The following NME7 variants were observed in gnomAD, a reference collection of about 807,000 sequenced individuals.
NME7 encodes nucleoside diphosphate kinase 7.
A neutral mutation model predicts 49.1 loss-of-function variants in NME7; 41 were observed. The ratio of observed to expected loss-of-function variants is 0.83; its 90% CI spans 0.65 to 1.08. NME7 has a LOEUF of 1.08. Among genes scored for constraint, NME7 ranks in the 50% least tolerant of loss-of-function variants. The pLI is 0.00. For missense variants in NME7, 423 were observed against 463.4 expected (o/e 0.91, Z 0.80); for synonymous variants, 139 against 150.6 (o/e 0.92, Z 0.56).
chr1:169,318,400 A>G (rs1651732234), intron 3 of NME7, among the ~76,000 whole-genome samples: 5 of 152,206 alleles, frequency 3.3e-5, no homozygotes, highest in Admixed American at 2.0e-4. Flanking sequence ...TAAAAGATAA[A>G]AAAGAGAAGA....
chr1:169,191,180 G>A (rs1050210662), intron 10 of NME7, among the ~76,000 whole-genome samples: 5 of 152,162 alleles, frequency 3.3e-5, no homozygotes, highest in African/African-American at 7.2e-5. Context: ...TTCAGTGTTG[G>A]CAATCAAGGT....
intron 7 of NME7, among the ~76,000 whole-genome samples, chr1:169,254,776 T>C (rs1470113480): frequency 2.1e-5 from 3 of 140,844 alleles, no homozygotes; most frequent in African/African-American, 5.0e-5. Flanking sequence ...TTTGTTCTCG[T>C]TGGTTTCAAA....
intron 1 of NME7, among the ~76,000 whole-genome samples, chr1:169,329,950 A>G (rs1214864776): frequency 6.6e-6 from 1 of 152,204 alleles, no homozygotes; most frequent in Non-Finnish European, 1.5e-5. Context: ...CAGCAAGAGT[A>G]AAGAAGCAAA....
intron 10 of NME7, among the ~76,000 whole-genome samples, chr1:169,200,169 C>A (rs1660506021): frequency 6.6e-6 from 1 of 151,906 alleles, no homozygotes; most frequent in African/African-American, 2.4e-5. Context: ...AATAAGAATT[C>A]TTATTTTATA....
At chr1:169,273,977 T>C (rs1475844651) in intron 7 of NME7, among the ~76,000 whole-genome samples, 1 of 132,324 alleles carries the variant, frequency 7.6e-6, no homozygotes, top group Admixed American at 7.5e-5. Context: ...GTATATATTA[T>C]ACCAGTAATG....
chr1:169,257,256 T>C (rs1392110609), intron 7 of NME7, among the ~76,000 whole-genome samples: 1 of 134,540 alleles, frequency 7.4e-6, no homozygotes, highest in African/African-American at 2.5e-5. Flanking sequence ...GTGCGGGATA[T>C]AATCTCGTGG....
chr1:169,175,125 GT>G (rs1452825111), intron 10 of NME7, among the ~76,000 whole-genome samples: 1 of 151,484 alleles, frequency 6.6e-6, no homozygotes, highest in Non-Finnish European at 1.5e-5. Context: ...TATTTTTTAA[GT>G]TTTTTTTCTT....
intron 11 of NME7, among the ~76,000 whole-genome samples, chr1:169,144,007 A>G (rs1012998275): frequency 2.0e-5 from 3 of 152,200 alleles, no homozygotes; most frequent in Non-Finnish European, 4.4e-5. Flanking sequence ...AACCCTATGA[A>G]TAAATTTCAA....
intron 11 of NME7, among the ~76,000 whole-genome samples, chr1:169,166,588 C>G (rs1659419239): frequency 6.6e-6 from 1 of 152,154 alleles, no homozygotes; most frequent in African/African-American, 2.4e-5. Flanking sequence ...TATGACATTT[C>G]CATATAATTT....
At position 169,355,311 on chromosome 1, in the gene NME7, T is replaced by TTGTATATTATATATAATATAC. The variant is rs71121772; in HGVS notation, c.3+12396_3+12397insGTATATTATATATAATATACA. On this transcript the variant is annotated intron_variant, in intron 1 of 11. Transcript: ENST00000367811. ...TATATTGTATATTATATATAATATA[T>TTGTATATTATATATAATATAC]TGTATATTATATATAATATATTGTA... Among the ~76,000 whole-genome samples, 81 of 63,986 alleles carry TTGTATATTATATATAATATAC rather than the reference T, an allele frequency of 1.3e-3. 20 individuals carry two copies. Among genetic ancestry groups the TTGTATATTATATATAATATAC allele is most frequent in the Non-Finnish European group, 2.7e-3 (70 of 26,148 alleles). The allele number at this position is 63,986 out of a possible 152,430, so 42.0% of individuals were successfully genotyped here.
chr1:169,221,602 TACAA>T (rs1275545843), intron 10 of NME7, among the ~76,000 whole-genome samples: 2 of 152,060 alleles, frequency 1.3e-5, no homozygotes. Flanking sequence ...TTTATATGCA[TACAA>T]ATATATGGAA....
Position 169,267,499 on chromosome 1 carries a change from T to C in NME7, c.754+19804A>G, listed in dbSNP as rs181086400. 2.1e-4 allele frequency among the ~76,000 whole-genome samples: 28 copies of C among 132,784 alleles called. 8 individuals are homozygous for C. Among genetic ancestry groups the C allele is most frequent in the Admixed American group, 3.7e-4 (5 of 13,460 alleles). The allele number at this position is 132,784 out of a possible 152,430, so 87.1% of individuals were successfully genotyped here. ...AAAAAGATCAAAGCTGGAGGAATCA[T>C]ATTGTCCAACTTCACACTGTAGTAC... On this transcript the variant is annotated intron_variant, in intron 7 of 11. Transcript: ENST00000367811.
intron 10 of NME7, among the ~76,000 whole-genome samples, chr1:169,198,363 A>C (rs1360796932): frequency 6.6e-6 from 1 of 152,120 alleles, no homozygotes; most frequent in Non-Finnish European, 1.5e-5. Context: ...TTAAGAATAT[A>C]CTCAAGATAA....
At chr1:169,182,456 ATCCTAAGAC>A (rs1234669464) in intron 10 of NME7, among the ~76,000 whole-genome samples, 3 of 152,186 alleles carry the variant, frequency 2.0e-5, no homozygotes, top group African/African-American at 7.2e-5. Flanking sequence ...CTTGGGAGTC[ATCCTAAGAC>A]TCCTCTCTCT....
At chr1:169,321,688 C>T (rs948809422) in intron 3 of NME7, among the ~76,000 whole-genome samples, 2 of 152,140 alleles carry the variant, frequency 1.3e-5, no homozygotes, top group Non-Finnish European at 2.9e-5. Context: ...CACTAAGAAT[C>T]CAATCACCTC....
intron 1 of NME7, among the ~76,000 whole-genome samples, chr1:169,333,357 C>T (rs1265498932): frequency 6.6e-6 from 1 of 150,828 alleles, no homozygotes; most frequent in Non-Finnish European, 1.5e-5. Context: ...ATAACAGGTA[C>T]AAAAAAAATA....
intron 1 of NME7, among the ~76,000 whole-genome samples, chr1:169,365,790 T>C (rs902426260): frequency 2.0e-5 from 3 of 152,102 alleles, no homozygotes; most frequent in Non-Finnish European, 4.4e-5. Flanking sequence ...ACTATTAAAA[T>C]AATCACGAAA....
chr1:169,203,836 T>G (rs1256071495), intron 10 of NME7, among the ~76,000 whole-genome samples: 1 of 152,034 alleles, frequency 6.6e-6, no homozygotes, highest in Non-Finnish European at 1.5e-5. Flanking sequence ...CCGCATCCCC[T>G]CATGGCTGGG....
chr1:169,307,825 G>C (rs1179660131), intron 4 of NME7, among the ~76,000 whole-genome samples: 1 of 152,090 alleles, frequency 6.6e-6, no homozygotes, highest in Non-Finnish European at 1.5e-5. Flanking sequence ...TTCAAGACTA[G>C]CTTGGCCAAC....
Sources: gnomAD v4.1 joint callset for allele counts (sites outside exome capture counted in the v4.1 genomes callset) on GRCh38, gnomAD v4.1.1 for gene constraint, MANE v1.5 for transcripts, NCBI Gene and HGNC (gene_info 2026-07-23, HGNC 2026-07-21) for gene names.